FOXN3: variants seen among roughly 807,000 people sequenced by gnomAD.
FOXN3 encodes the protein forkhead box protein N3.
In FOXN3, 7 loss-of-function variants were observed where a neutral mutation model predicts 38.4. That is an observed-to-expected ratio of 0.18 (90% CI 0.10 to 0.34). FOXN3 has a LOEUF of 0.34. Among genes scored for constraint, FOXN3 ranks in the 10% least tolerant of loss-of-function variants. The probability of loss-of-function intolerance (pLI) is 1.00; values close to 1 mark genes in which losing one functional copy is unlikely to be tolerated. For missense variants in FOXN3, 456 were observed against 613.4 expected, an observed-to-expected ratio of 0.74 and a Z score of 2.71; for synonymous variants, 230 against 242.2, an observed-to-expected ratio of 0.95 and a Z score of 0.47.
intron 1 of FOXN3, among the ~76,000 whole-genome samples, chr14:89,415,604 C>CAAAAAAAAAAAAAAAA (rs34026101): frequency 1.5e-4 from 8 of 54,268 alleles, no homozygotes; most frequent in African/African-American, 3.4e-4. Flanking sequence ...CAACAATAAC[C>CAAAAAAAAAAAAAAAA]AAAAAAAAAA....
chr14:89,343,723 C>CAA lies in FOXN3; in HGVS notation c.680+6948_680+6949insTT, dbSNP rs148271024. Among the ~76,000 whole-genome samples, 49 of 98,146 alleles carry CAA rather than the reference C, an allele frequency of 5.0e-4. 1 individual carries two copies. The highest frequency in any genetic ancestry group is 0.011 in the Middle Eastern group (2 of 184). 64.4% of individuals were successfully genotyped at this position (98,146 alleles called of 152,430 possible). ...GAAGCTTAAATGTCTGGAATTTATT[C>CAA]CAAAAAAAAAAAAAAGATGAGAGTA... On this transcript the variant is annotated intron_variant, in intron 3 of 5. Coordinates refer to ENST00000557258, the MANE Select transcript of FOXN3 (RefSeq NM_005197.4).
At chr14:89,321,534 G>A (rs956600727) in intron 3 of FOXN3, among the ~76,000 whole-genome samples, 3 of 152,120 alleles carry the variant, frequency 2.0e-5, no homozygotes, top group African/African-American at 7.2e-5. Flanking sequence ...CCGAGATTGA[G>A]CCACTGCACT....
At chr14:89,353,707 G>C (rs890158359) in intron 2 of FOXN3, 2 of 151,956 alleles carry the variant, frequency 1.3e-5, no homozygotes, top group Non-Finnish European at 2.9e-5. Flanking sequence ...TTCCATACTT[G>C]GTCAGTTCAT....
intron 1 of FOXN3, among the ~76,000 whole-genome samples, chr14:89,499,379 A>G (rs1893750234): frequency 6.6e-6 from 1 of 152,172 alleles, no homozygotes; most frequent in African/African-American, 2.4e-5. Context: ...TAGGTCAATT[A>G]GCCTAAAGCC....
chr14:89,582,459 A>G (rs1895760430), intron 1 of FOXN3, among the ~76,000 whole-genome samples: 1 of 150,626 alleles, frequency 6.6e-6, no homozygotes, highest in African/African-American at 2.4e-5. Flanking sequence ...AAGCGTGAAG[A>G]GCCTAGGTGA....
At chr14:89,315,811 T>C (rs1887702452) in intron 3 of FOXN3, among the ~76,000 whole-genome samples, 1 of 152,182 alleles carries the variant, frequency 6.6e-6, no homozygotes, top group Admixed American at 6.5e-5. Flanking sequence ...TGCCCATCAA[T>C]CTGTGAGCCA....
intron 1 of FOXN3, among the ~76,000 whole-genome samples, chr14:89,438,089 C>G (rs1367675572): frequency 6.6e-6 from 1 of 152,168 alleles, no homozygotes; most frequent in African/African-American, 2.4e-5. Context: ...AGAACACATT[C>G]TTTAGTAATT....
At chr14:89,249,297 C>T (rs563009550) in intron 4 of FOXN3, among the ~76,000 whole-genome samples, 2 of 152,314 alleles carry the variant, frequency 1.3e-5, no homozygotes, top group East Asian at 1.9e-4. Context: ...CTCCATCCTC[C>T]TTTCCAAAGC....
chr14:89,597,260 T>C (rs1896075667), intron 1 of FOXN3, among the ~76,000 whole-genome samples: 1 of 152,178 alleles, frequency 6.6e-6, no homozygotes, highest in Non-Finnish European at 1.5e-5. Context: ...GGATTTTTCA[T>C]TTATATTTTT....
intron 1 of FOXN3, among the ~76,000 whole-genome samples, chr14:89,588,927 T>A (rs954719774): frequency 6.6e-6 from 1 of 152,194 alleles, no homozygotes; most frequent in Non-Finnish European, 1.5e-5. Context: ...CCTGGAATTT[T>A]GTGAAACCTA....
intron 1 of FOXN3, among the ~76,000 whole-genome samples, chr14:89,538,656 T>C (rs1051198519): frequency 2.0e-5 from 3 of 152,016 alleles, no homozygotes; most frequent in Admixed American, 1.3e-4. Flanking sequence ...GTAGCTGGGA[T>C]TACAGGCATG....
chr14:89,277,682 G>A (rs1330647091), intron 4 of FOXN3, among the ~76,000 whole-genome samples: 1 of 152,064 alleles, frequency 6.6e-6, no homozygotes, highest in Non-Finnish European at 1.5e-5. Flanking sequence ...GAAAAATAAA[G>A]GTACTAAGTT....
chr14:89,186,384 G>A (rs1596087637), intron 4 of FOXN3, among the ~76,000 whole-genome samples: 2 of 152,102 alleles, frequency 1.3e-5, no homozygotes, highest in South Asian at 4.2e-4. Flanking sequence ...GATTATATAA[G>A]CCTTTGAAGA....
chr14:89,289,542 A>G (rs2139931923), intron 3 of FOXN3, among the ~76,000 whole-genome samples: 1 of 152,364 alleles, frequency 6.6e-6, no homozygotes, highest in African/African-American at 2.4e-5. Flanking sequence ...TCTCTTATGC[A>G]GAAAAGTAAG....
chr14:89,561,028 A>T (rs1307052383), intron 1 of FOXN3, among the ~76,000 whole-genome samples: 1 of 152,200 alleles, frequency 6.6e-6, no homozygotes, highest in Non-Finnish European at 1.5e-5. Context: ...CTCAGCTGAG[A>T]TGACTGGGAA....
chr14:89,398,750 C>T lies in FOXN3; in HGVS notation c.543+13184G>A, dbSNP rs1260736466. ...CCTGTAATCCCAGCACTTTGGAAGG[C>T]TGAAGCGGCCAGATCACCTGAGGTC... On this transcript the variant is annotated intron_variant, in intron 2 of 5. Coordinates refer to ENST00000557258, the MANE Select transcript of FOXN3 (RefSeq NM_005197.4). 3.9e-5 allele frequency among the ~76,000 whole-genome samples: 6 copies of T among 152,216 alleles called. No individual in the cohort carries two copies. The East Asian group carries it at 1.2e-3, about 29-fold the overall frequency.
At chr14:89,540,426 T>C (rs555132979) in intron 1 of FOXN3, among the ~76,000 whole-genome samples, 3 of 152,210 alleles carry the variant, frequency 2.0e-5, no homozygotes, top group Non-Finnish European at 4.4e-5. Context: ...GCTGGAGACC[T>C]AAAGCAACCA....
At chr14:89,187,434 C>G (rs1228575987) in intron 4 of FOXN3, among the ~76,000 whole-genome samples, 1 of 152,232 alleles carries the variant, frequency 6.6e-6, no homozygotes, top group Non-Finnish European at 1.5e-5. Context: ...CACTGGGACA[C>G]AGGCACACAA....
chr14:89,287,692 A>AC (rs1367945576), intron 3 of FOXN3, among the ~76,000 whole-genome samples: 2 of 151,348 alleles, frequency 1.3e-5, no homozygotes, highest in Non-Finnish European at 2.9e-5. Context: ...TAAAGTAGCA[A>AC]CACTTACTAA....
Sources: allele counts gnomAD v4.1 joint callset (sites outside exome capture counted in the v4.1 genomes callset), GRCh38; gene constraint gnomAD v4.1.1; transcripts MANE v1.5; gene names NCBI Gene and HGNC (gene_info 2026-07-23, HGNC 2026-07-21).